HDAC9: variants seen among roughly 807,000 people sequenced by gnomAD.
The protein encoded by HDAC9 is histone deacetylase 9.
Under a neutral mutation model 139.4 loss-of-function variants are expected in HDAC9, and 41 were observed. That is an observed-to-expected ratio of 0.29 (90% CI 0.23 to 0.38). HDAC9 has a LOEUF of 0.38. Among genes scored for constraint, HDAC9 ranks in the 10% least tolerant of loss-of-function variants. The pLI is 1.00. For synonymous variants in HDAC9, 517 were observed against 476.2 expected (o/e 1.09, Z -1.12); for missense variants, 1,147 against 1,297.0 (o/e 0.88, Z 1.78).
intron 2 of HDAC9, among the ~76,000 whole-genome samples, chr7:18,261,174 G>A (rs1439267631): frequency 6.6e-6 from 1 of 151,972 alleles, no homozygotes; most frequent in Non-Finnish European, 1.5e-5. Context: ...TGTGCATGGT[G>A]ATGCAGGCCT....
chr7:18,203,413 G>C (rs753140360), intron 2 of HDAC9, among the ~76,000 whole-genome samples: 1 of 152,142 alleles, frequency 6.6e-6, no homozygotes, highest in Non-Finnish European at 1.5e-5. Flanking sequence ...AAGTATTGAG[G>C]AAGTAGTCTT....
chr7:18,206,930 CTTTTT>C (rs58248823), intron 2 of HDAC9, among the ~76,000 whole-genome samples: 1 of 124,544 alleles, frequency 8.0e-6, no homozygotes, highest in African/African-American at 3.0e-5. Flanking sequence ...GATATCTTTT[CTTTTT>C]TTTTTTTTTT....
chr7:18,206,123 A>T (rs1272206181), intron 2 of HDAC9, among the ~76,000 whole-genome samples: 1 of 152,188 alleles, frequency 6.6e-6, no homozygotes, highest in Non-Finnish European at 1.5e-5. Flanking sequence ...TGAAAACCTG[A>T]TTGGAATTAT....
chr7:18,872,806 G>T (rs1260056122), intron 21 of HDAC9, among the ~76,000 whole-genome samples: 1 of 152,038 alleles, frequency 6.6e-6, no homozygotes, highest in Non-Finnish European at 1.5e-5. Flanking sequence ...GAAGGATGGG[G>T]AAATACTGGG....
chr7:18,755,200 A>G (rs1369987467), intron 14 of HDAC9, among the ~76,000 whole-genome samples: 2 of 152,190 alleles, frequency 1.3e-5, no homozygotes, highest in African/African-American at 2.4e-5. Flanking sequence ...TCATTGTTCT[A>G]AAAGATATTT....
At chr7:18,119,088 C>T (rs1408618271) in intron 1 of HDAC9, among the ~76,000 whole-genome samples, 4 of 152,012 alleles carry the variant, frequency 2.6e-5, no homozygotes, top group Non-Finnish European at 5.9e-5. Context: ...TTTCCTGTTT[C>T]ACTTTTTGGT....
At chr7:18,326,744 A>C (rs1343428332) in intron 1 of HDAC9, among the ~76,000 whole-genome samples, 1 of 152,016 alleles carries the variant, frequency 6.6e-6, no homozygotes, top group Non-Finnish European at 1.5e-5. Context: ...GTTTTGGTGC[A>C]CATCTATCTT....
At chr7:18,787,401 A>T (rs925174804) in intron 16 of HDAC9, among the ~76,000 whole-genome samples, 7 of 152,202 alleles carry the variant, frequency 4.6e-5, no homozygotes, top group African/African-American at 1.7e-4. Context: ...TTATAAAGTG[A>T]GTTGAACTTT....
intron 1 of HDAC9, among the ~76,000 whole-genome samples, chr7:18,470,727 G>A (rs1427110881): frequency 6.6e-6 from 1 of 152,294 alleles, no homozygotes; most frequent in East Asian, 1.9e-4. Context: ...AGAAGAATAG[G>A]CGGAAGGTTG....
chr7:18,136,227 C>G (rs868403228), intron 1 of HDAC9, among the ~76,000 whole-genome samples: 3 of 149,698 alleles, frequency 2.0e-5, no homozygotes, highest in Non-Finnish European at 3.0e-5. Context: ...GAGTAGGTTG[C>G]GAAAATTTTC....
intron 24 of HDAC9, among the ~76,000 whole-genome samples, chr7:18,964,419 G>A (rs948110151): frequency 6.6e-6 from 1 of 151,984 alleles, no homozygotes; most frequent in African/African-American, 2.4e-5. Context: ...ATTTCACTGT[G>A]AGACATGTAC....
At chr7:18,876,182 C>T (rs1303631452) in intron 22 of HDAC9, among the ~76,000 whole-genome samples, 5 of 152,184 alleles carry the variant, frequency 3.3e-5, no homozygotes, top group African/African-American at 9.6e-5. Flanking sequence ...GACGTGGGTT[C>T]TACCACTTCT....
chr7:18,539,096 A>G (rs1563196434), intron 2 of HDAC9, among the ~76,000 whole-genome samples: 1 of 152,206 alleles, frequency 6.6e-6, no homozygotes, highest in Non-Finnish European at 1.5e-5. Flanking sequence ...CTATCAACAT[A>G]TGAATTTGGA....
At chr7:18,763,865 C>T (rs1789599744) in intron 15 of HDAC9, among the ~76,000 whole-genome samples, 1 of 152,020 alleles carries the variant, frequency 6.6e-6, no homozygotes, top group South Asian at 2.1e-4. Flanking sequence ...ATCAACCTTC[C>T]AACTTTATTG....
intron 1 of HDAC9, among the ~76,000 whole-genome samples, chr7:18,128,196 A>C (rs1190369101): frequency 6.6e-6 from 1 of 152,222 alleles, no homozygotes; most frequent in East Asian, 1.9e-4. Flanking sequence ...AAAAAATCTC[A>C]GAGACTGGCT....
intron 1 of HDAC9, among the ~76,000 whole-genome samples, chr7:18,303,856 A>G (rs1215475629): frequency 6.6e-6 from 1 of 150,818 alleles, no homozygotes; most frequent in Non-Finnish European, 1.5e-5. Context: ...GTTTTGGTCC[A>G]GTGTCAACCT....
At chr7:18,171,468 A>C (rs1788436378) in intron 2 of HDAC9, among the ~76,000 whole-genome samples, 1 of 152,186 alleles carries the variant, frequency 6.6e-6, no homozygotes, top group Non-Finnish European at 1.5e-5. Context: ...GCTGGCCAGA[A>C]CTTCCAACAG....
chr7:18,996,609 T>C lies in HDAC9; in HGVS notation c.*547T>C, dbSNP rs1223799410. 6.5e-6 allele frequency: 1 copy of C among 152,768 alleles called. No homozygotes were observed. Among genetic ancestry groups the C allele is most frequent in the Non-Finnish European group, 1.5e-5 (1 of 68,516 alleles). The allele number at this position is 152,768 out of a possible 1,614,324, so 9.5% of individuals were successfully genotyped here. A position where few individuals can be genotyped will look rare whatever the true frequency, so the allele number is the denominator to read the frequency against. On this transcript the variant is annotated 3_prime_UTR_variant, in exon 26 of 26. Coordinates refer to ENST00000686413, the MANE Select transcript of HDAC9 (RefSeq NM_178425.4). ...GTTTTGTTTTGTTAGGGTTTTTTTC[T>C]CAACTTTAACACACAGTTCAACTGT...
chr7:18,258,401 G>T (rs1795420086), intron 2 of HDAC9, among the ~76,000 whole-genome samples: 1 of 152,112 alleles, frequency 6.6e-6, no homozygotes, highest in Non-Finnish European at 1.5e-5. Context: ...TTCTTTAGTG[G>T]TGATTTCTGA....
Sources: allele counts gnomAD v4.1 joint callset (sites outside exome capture counted in the v4.1 genomes callset), GRCh38; gene constraint gnomAD v4.1.1; transcripts MANE v1.5; gene names NCBI Gene and HGNC (gene_info 2026-07-23, HGNC 2026-07-21).